The following TPH2 variants were observed in gnomAD, a reference collection of about 807,000 sequenced individuals.
TPH2 encodes the protein tryptophan 5-hydroxylase 2.
A neutral mutation model predicts 59.1 loss-of-function variants in TPH2; 27 were observed. The ratio of observed to expected loss-of-function variants is 0.46; its 90% CI spans 0.34 to 0.63. TPH2 has a LOEUF of 0.63. TPH2 is among the 30% of genes least tolerant of loss of function. The pLI, the probability that TPH2 is intolerant of heterozygous loss-of-function variation, is 0.01. For missense variants in TPH2, 523 were observed against 588.3 expected (o/e 0.89, Z 1.15); for synonymous variants, 220 against 210.5 (o/e 1.05, Z -0.39).
In TPH2 at chr12:71,962,449, G is replaced by A. The variant is rs191876171; in HGVS notation, c.609-10070G>A. ...GTTACAAGTGTGACTGAGTGATGAT[G>A]TCTAGATAAGGGTCAGGAAAACTGA... On this transcript the variant is annotated intron_variant, in intron 5 of 10. Coordinates refer to ENST00000333850, the MANE Select transcript of TPH2 (RefSeq NM_173353.4). 886 of 985,376 alleles carry A rather than the reference G, an allele frequency of 9.0e-4. 5 individuals are homozygous for A. In the African/African-American group the frequency reaches 0.015, roughly 16 times the overall value. 61.0% of individuals were successfully genotyped at this position (985,376 alleles called of 1,614,324 possible).
rs1184009526 is a variant in TPH2, at chr12:72,031,942, C to G, written c.*247C>G. The G allele has an allele frequency of 2.0e-6, 1 of 509,530 alleles. No individual in the cohort carries two copies. Among genetic ancestry groups the G allele is most frequent in the Non-Finnish European group, 3.5e-6 (1 of 282,092 alleles). 31.6% of individuals were successfully genotyped at this position (509,530 alleles called of 1,614,324 possible). On this transcript the variant is annotated 3_prime_UTR_variant, in exon 11 of 11. Transcript: ENST00000333850. ...AAACATCTTAAAAAGATTTGACATT[C>G]CTGCTTAGTGTCCTTAACCAAACTG...
chr12:72,020,155 G>C (rs1421621426), intron 8 of TPH2, among the ~76,000 whole-genome samples: 1 of 152,212 alleles, frequency 6.6e-6, no homozygotes, highest in Non-Finnish European at 1.5e-5. Context: ...TTGTTACAAA[G>C]GGGGTGGGAG....
At chr12:72,008,561 A>G (rs565529692) in intron 8 of TPH2, among the ~76,000 whole-genome samples, 3 of 152,308 alleles carry the variant, frequency 2.0e-5, no homozygotes, top group African/African-American at 7.2e-5. Flanking sequence ...GTCCCTTAAC[A>G]CAGTCCTGGT....
intron 5 of TPH2, among the ~76,000 whole-genome samples, chr12:71,959,390 C>G (rs182515812): frequency 6.6e-6 from 1 of 152,164 alleles, no homozygotes; most frequent in Non-Finnish European, 1.5e-5. Context: ...CCCTGCTTCT[C>G]GCGTCCTAGT....
At chr12:71,962,970 C>A (rs1871730300) in intron 5 of TPH2, among the ~76,000 whole-genome samples, 1 of 53,076 alleles carries the variant, frequency 1.9e-5, no homozygotes, top group African/African-American at 5.3e-5. Flanking sequence ...CCACCCGCCT[C>A]GGCCTCCCAG....
intron 7 of TPH2, among the ~76,000 whole-genome samples, chr12:71,980,635 G>T (rs1872248740): frequency 1.3e-5 from 2 of 152,158 alleles, no homozygotes; most frequent in Non-Finnish European, 2.9e-5. Flanking sequence ...AGCACTGTCA[G>T]AGTTAGAAAG....
At chr12:71,973,650 T>C (rs867029727) in intron 6 of TPH2, among the ~76,000 whole-genome samples, 52 of 152,160 alleles carry the variant, frequency 3.4e-4, no homozygotes, top group African/African-American at 1.1e-3. Context: ...AGAGTAATCA[T>C]TCTTTTATTC....
At chr12:71,986,616 C>T (rs570235709) in intron 7 of TPH2, among the ~76,000 whole-genome samples, 1 of 143,996 alleles carries the variant, frequency 6.9e-6, no homozygotes, top group Non-Finnish European at 1.5e-5. Context: ...AGCTTCAATA[C>T]TTCAGCCACC....
intron 8 of TPH2, among the ~76,000 whole-genome samples, chr12:72,010,850 G>T (rs572953783): frequency 7.9e-5 from 12 of 152,176 alleles, no homozygotes; most frequent in Non-Finnish European, 1.6e-4. Flanking sequence ...ATTTGATGCA[G>T]AACATTTTAG....
At position 72,031,850 on chromosome 12, in the gene TPH2, A is replaced by G; in HGVS notation, c.*155A>G. The G allele has an allele frequency of 1.2e-6, 1 of 834,488 alleles. No homozygotes were observed. Among genetic ancestry groups the G allele is most frequent in the Non-Finnish European group, 2.0e-6 (1 of 504,214 alleles). 51.7% of individuals were successfully genotyped at this position (834,488 alleles called of 1,614,324 possible). On this transcript the variant is annotated 3_prime_UTR_variant, in exon 11 of 11. Transcript: ENST00000333850. ...CCATCTTGTAACTCACTGTGTTAGT[A>G]TATAAAGCACCATAAGAAATCCAAT...
intron 1 of TPH2, 118 bp from the exon 2 acceptor site, chr12:71,941,466 T>A: frequency 7.7e-7 from 1 of 1,302,978 alleles, no homozygotes; most frequent in African/African-American, 1.5e-5. Context: ...TCACCTTAAG[T>A]TTGTATGATT....
rs781612841 is a variant in TPH2 at position 71,982,015 on chromosome 12, A to AT, written c.941+2945dup. 1.5e-3 allele frequency among the ~76,000 whole-genome samples: 93 copies of AT among 60,502 alleles called. 8 individuals are homozygous for AT. Among genetic ancestry groups the AT allele is most frequent in the East Asian group, 5.6e-3 (13 of 2,330 alleles). 39.7% of individuals were successfully genotyped at this position (60,502 alleles called of 152,430 possible). A position where few individuals can be genotyped will look rare whatever the true frequency, so the allele number is the denominator to read the frequency against. ...TTTTTGTGGGTTTCATATCATTCGTATTTTTTTTTTTTTTTTTAGACAGAG... is the reference window on the plus strand; with the variant it reads ...TTTTTGTGGGTTTCATATCATTCGTATTTTTTTTTTTTTTTTTTAGACAGAG... On this transcript the variant is annotated intron_variant, in intron 7 of 10. Coordinates refer to ENST00000333850, the MANE Select transcript of TPH2 (RefSeq NM_173353.4).
chr12:71,990,447 C>G (rs769294548), intron 7 of TPH2, among the ~76,000 whole-genome samples: 2 of 152,222 alleles, frequency 1.3e-5, no homozygotes, highest in Non-Finnish European at 2.9e-5. Context: ...TCCCCATAGC[C>G]TGGAACCCCT....
chr12:71,951,379 C>A (rs1163839672), intron 5 of TPH2, among the ~76,000 whole-genome samples: 1 of 152,114 alleles, frequency 6.6e-6, no homozygotes, highest in East Asian at 1.9e-4. Flanking sequence ...GTAGCATGAC[C>A]AGCCAGAACA....
At position 71,966,387 on chromosome 12, in the gene TPH2, C is replaced by T. The variant is rs1258740582; in HGVS notation, c.609-6132C>T. Among the ~76,000 whole-genome samples the T allele has an allele frequency of 3.9e-5, 6 of 152,238 alleles. No individual in the cohort carries two copies. In the East Asian group the frequency reaches 1.2e-3, roughly 29 times the overall value. ...TAAGTTCTGAGATACATATGCAGAACATGCCAATGAGCTGCTAATTTCTAA... is the reference window on the plus strand; with the variant it reads ...TAAGTTCTGAGATACATATGCAGAATATGCCAATGAGCTGCTAATTTCTAA... On this transcript the variant is annotated intron_variant, in intron 5 of 10. Coordinates refer to ENST00000333850, the MANE Select transcript of TPH2 (RefSeq NM_173353.4).
At chr12:71,992,980 A>G (rs1368737806) in intron 7 of TPH2, among the ~76,000 whole-genome samples, 1 of 152,246 alleles carries the variant, frequency 6.6e-6, no homozygotes, top group East Asian at 1.9e-4. Context: ...TTGTTTTAAA[A>G]AACAAATTCA....
intron 9 of TPH2, among the ~76,000 whole-genome samples, chr12:72,023,621 G>C (rs1436414120): frequency 6.6e-6 from 1 of 151,996 alleles, no homozygotes; most frequent in African/African-American, 2.4e-5. Context: ...CCTGAGGTCA[G>C]GAGTTCAAGA....
intron 7 of TPH2, among the ~76,000 whole-genome samples, chr12:71,983,785 G>C (rs960024388): frequency 2.8e-5 from 4 of 142,434 alleles, no homozygotes; most frequent in Non-Finnish European, 4.7e-5. Context: ...CAGAGAGAGA[G>C]AGACAGAGAG....
At chr12:72,003,214 A>G (rs1215368145) in intron 8 of TPH2, among the ~76,000 whole-genome samples, 1 of 152,126 alleles carries the variant, frequency 6.6e-6, no homozygotes, top group African/African-American at 2.4e-5. Context: ...CTCTACAGAA[A>G]GCTTGAAATA....
Sources: allele counts gnomAD v4.1 joint callset (sites outside exome capture counted in the v4.1 genomes callset), GRCh38; gene constraint gnomAD v4.1.1; transcripts MANE v1.5; gene names NCBI Gene and HGNC (gene_info 2026-07-23, HGNC 2026-07-21).